PRR16: variants seen among roughly 807,000 people sequenced by gnomAD.
The protein encoded by PRR16 is proline rich 16, also known as protein Largen.
A neutral mutation model predicts 18.2 loss-of-function variants in PRR16; 6 were observed. That is an observed-to-expected ratio of 0.33 (90% CI 0.18 to 0.65). PRR16 has a LOEUF of 0.65. Ranked by LOEUF, PRR16 falls within the 30% of genes least tolerant of loss-of-function variation. The pLI, the probability that PRR16 is intolerant of heterozygous loss-of-function variation, is 0.74. For missense variants in PRR16, 412 were observed against 376.6 expected, an observed-to-expected ratio of 1.09 and a Z score of -0.78; for synonymous variants, 151 against 147.8, an observed-to-expected ratio of 1.02 and a Z score of -0.16.
intron 1 of PRR16, among the ~76,000 whole-genome samples, chr5:120,583,715 G>A (rs1452301714): frequency 1.3e-5 from 2 of 152,036 alleles, no homozygotes; most frequent in Non-Finnish European, 2.9e-5. Context: ...CTTGAGGGTG[G>A]TATTGTTTGT....
intron 1 of PRR16, among the ~76,000 whole-genome samples, chr5:120,548,664 ACTAT>A (rs1247506837): frequency 6.7e-6 from 1 of 149,824 alleles, no homozygotes; most frequent in African/African-American, 2.5e-5. Context: ...TTGTCCTGGA[ACTAT>A]CTTTTATCAG....
intron 1 of PRR16, among the ~76,000 whole-genome samples, chr5:120,567,590 G>A (rs1406248650): frequency 2.0e-5 from 3 of 152,054 alleles, no homozygotes; most frequent in African/African-American, 7.2e-5. Flanking sequence ...GGGCCTGCTG[G>A]GAGGTGACTG....
chr5:120,669,015 A>G (rs1006822957), intron 1 of PRR16, among the ~76,000 whole-genome samples: 2 of 152,198 alleles, frequency 1.3e-5, no homozygotes, highest in Admixed American at 6.6e-5. Flanking sequence ...ACTAATGCAG[A>G]TATTTTAATT....
intron 1 of PRR16, among the ~76,000 whole-genome samples, chr5:120,543,745 A>C (rs541703635): frequency 6.6e-6 from 1 of 152,298 alleles, no homozygotes; most frequent in South Asian, 2.1e-4. Context: ...ATTTCTGAAA[A>C]TTATGTAACT....
chr5:120,787,565 G>A, the PRR16 span, among the ~76,000 whole-genome samples: 2 of 152,000 alleles, frequency 1.3e-5, no homozygotes, highest in African/African-American at 4.8e-5. Context: ...AAAATTTGGT[G>A]GAACAAGAAA....
intron 1 of PRR16, among the ~76,000 whole-genome samples, chr5:120,661,396 T>G (rs995661626): frequency 1.3e-5 from 2 of 152,094 alleles, no homozygotes; most frequent in Non-Finnish European, 2.9e-5. Context: ...TGCTGGATAA[T>G]TTCTTAGTGG....
intron 1 of PRR16, among the ~76,000 whole-genome samples, chr5:120,508,793 T>C (rs1469634897): frequency 2.0e-5 from 3 of 152,140 alleles, no homozygotes; most frequent in Non-Finnish European, 2.9e-5. Context: ...ACAATAGCTA[T>C]CATACAATTA....
chr5:120,528,863 A>G (rs556476528), intron 1 of PRR16, among the ~76,000 whole-genome samples: 1 of 152,298 alleles, frequency 6.6e-6, no homozygotes, highest in African/African-American at 2.4e-5. Flanking sequence ...TGGATTGCAC[A>G]AATATCTAGA....
At position 120,659,788 on chromosome 5, in the gene PRR16, T is replaced by A. The variant is rs1256739049; in HGVS notation, c.160-26166T>A. 2.0e-5 allele frequency among the ~76,000 whole-genome samples: 3 copies of A among 152,002 alleles called. No individual in the cohort carries two copies. In the East Asian group the frequency reaches 5.8e-4, roughly 29 times the overall value. The stretch of plus-strand genomic sequence containing the variant: ...ACATTCTTGGATCAAAAAGAGACAG[T>A]CATCTGAGGGAAGGTTGGCTTAACT... On this transcript the variant is annotated intron_variant, in intron 1 of 1. Transcript: ENST00000407149.
the PRR16 span, among the ~76,000 whole-genome samples, chr5:120,788,160 A>AT: frequency 1.3e-5 from 2 of 151,970 alleles, no homozygotes; most frequent in Admixed American, 6.6e-5. Flanking sequence ...TGTGTCACCA[A>AT]TTTTTTACTA....
intron 1 of PRR16, among the ~76,000 whole-genome samples, chr5:120,495,071 GT>G (rs556388982): frequency 6.6e-5 from 10 of 150,624 alleles, no homozygotes; most frequent in South Asian, 4.2e-4. Flanking sequence ...TATAATTTAT[GT>G]TTTTTTTTCA....
At chr5:120,697,565 G>A in the PRR16 span, among the ~76,000 whole-genome samples, 10 of 152,170 alleles carry the variant, frequency 6.6e-5, no homozygotes, top group African/African-American at 1.9e-4. Flanking sequence ...TCCATGTGAA[G>A]AGACCACCAA....
chr5:120,742,059 A>G, the PRR16 span, among the ~76,000 whole-genome samples: 3 of 151,982 alleles, frequency 2.0e-5, no homozygotes, highest in African/African-American at 7.2e-5. Context: ...CATTTGTTTG[A>G]TACATCTTCA....
the PRR16 span, among the ~76,000 whole-genome samples, chr5:120,700,838 C>A: frequency 1.3e-5 from 2 of 152,114 alleles, no homozygotes; most frequent in African/African-American, 2.4e-5. Flanking sequence ...CCGAGGCGAT[C>A]GGGCAGTGTC....
chr5:120,709,125 A>T, the PRR16 span, among the ~76,000 whole-genome samples: 1 of 150,070 alleles, frequency 6.7e-6, no homozygotes, highest in East Asian at 2.0e-4. Context: ...CTCCTTCCTC[A>T]GCCTCCTGAG....
chr5:120,658,823 A>T (rs1243193802), intron 1 of PRR16, among the ~76,000 whole-genome samples: 1 of 151,970 alleles, frequency 6.6e-6, no homozygotes, highest in African/African-American at 2.4e-5. Context: ...AAATCCAGAA[A>T]TATAGTCTGA....
chr5:120,586,351 A>G (rs187419444), intron 1 of PRR16, among the ~76,000 whole-genome samples: 55 of 152,266 alleles, frequency 3.6e-4, no homozygotes, highest in African/African-American at 1.3e-3. Context: ...TTCAACTGTA[A>G]TAATAAATTA....
At chr5:120,634,231 G>A (rs938499047) in intron 1 of PRR16, among the ~76,000 whole-genome samples, 1 of 152,126 alleles carries the variant, frequency 6.6e-6, no homozygotes. Context: ...TGAACTGAAC[G>A]ATAATAGTGA....
the PRR16 span, among the ~76,000 whole-genome samples, chr5:120,776,953 T>G: frequency 6.6e-6 from 1 of 152,086 alleles, no homozygotes; most frequent in African/African-American, 2.4e-5. Flanking sequence ...AGCAACACTA[T>G]CCAAAATTTT....
Sources: allele counts gnomAD v4.1 joint callset (sites outside exome capture counted in the v4.1 genomes callset), GRCh38; gene constraint gnomAD v4.1.1; transcripts MANE v1.5; gene names NCBI Gene and HGNC (gene_info 2026-07-23, HGNC 2026-07-21).